The following PXDNL variants were observed in gnomAD, a reference collection of about 807,000 sequenced individuals.
PXDNL encodes the protein peroxidasin like.
In PXDNL, 145 loss-of-function variants were observed where a neutral mutation model predicts 150.8. That is an observed-to-expected ratio of 0.96 (90% CI 0.84 to 1.10). The LOEUF is 1.10. Ranked by LOEUF, PXDNL falls within the 50% of genes least tolerant of loss-of-function variation. The pLI, the probability that PXDNL is intolerant of heterozygous loss-of-function variation, is 0.00. For missense variants in PXDNL, 2,087 were observed against 1,873.9 expected, an observed-to-expected ratio of 1.11 and a Z score of -2.10; for synonymous variants, 757 against 725.7, an observed-to-expected ratio of 1.04 and a Z score of -0.69.
rs143026456 is a variant in PXDNL at position 51,695,863 on chromosome 8, C to T, written c.165-41103G>A. 1.5e-3 allele frequency among the ~76,000 whole-genome samples: 230 copies of T among 152,286 alleles called. 1 individual carries two copies. The highest frequency in any genetic ancestry group is 3.4e-3 in the Middle Eastern group (1 of 294). On this transcript the variant is annotated intron_variant, in intron 1 of 22. Transcript: ENST00000356297. The stretch of plus-strand genomic sequence containing the variant: ...GTTATTTGATCTCTAACTCCATGCT[C>T]CCTCGACTATTACTGAGTATCCTTC...
chr8:51,608,193 T>C (rs1813906803), intron 2 of PXDNL, among the ~76,000 whole-genome samples: 1 of 147,250 alleles, frequency 6.8e-6, no homozygotes, highest in Non-Finnish European at 1.5e-5. Flanking sequence ...ATCAAGACCA[T>C]CCTGGCTAAC....
chr8:51,678,226 G>A (rs1815667666), intron 1 of PXDNL, among the ~76,000 whole-genome samples: 1 of 152,178 alleles, frequency 6.6e-6, no homozygotes, highest in South Asian at 2.1e-4. Flanking sequence ...ACTTGAAGGA[G>A]AATTACATTC....
chr8:51,351,144 T>C (rs1054200574), intron 19 of PXDNL, among the ~76,000 whole-genome samples: 25 of 152,346 alleles, frequency 1.6e-4, no homozygotes, highest in Admixed American at 5.2e-4. Context: ...GTTAACAGGT[T>C]ACTACAAATG....
chr8:51,678,113 T>C (rs531185185), intron 1 of PXDNL, among the ~76,000 whole-genome samples: 4 of 152,210 alleles, frequency 2.6e-5, no homozygotes, highest in Non-Finnish European at 5.9e-5. Context: ...GGATCTCCAT[T>C]GTGGCATAAA....
Position 51,409,426 on chromosome 8 carries a change from G to C in PXDNL, c.2198C>G (p.Thr733Arg), listed in dbSNP as rs897081248. Residue 733 changes from threonine (T) to arginine (R), a missense_variant, in exon 17 of 23, where the codon ACG (threonine) becomes AGG (arginine). Physicochemically the swap from Thr to Arg is moderately conservative, Grantham distance 71. Coordinates refer to ENST00000356297, the MANE Select transcript of PXDNL (RefSeq NM_144651.5). ...CGTGGGCTGCTGCAGGTTGTTGCAC[G>C]TGCCGTCGTGGGCGCGGTACTTCGC... ...FHAKYRAHDG[T>R]CNNLQQPTWG... 2 of 1,612,188 alleles carry C rather than the reference G, an allele frequency of 1.2e-6. No individual in the cohort carries two copies. Among genetic ancestry groups the C allele is most frequent in the Non-Finnish European group, 1.7e-6 (2 of 1,179,604 alleles).
At chr8:51,679,350 T>G (rs2130843705) in intron 1 of PXDNL, among the ~76,000 whole-genome samples, 1 of 152,304 alleles carries the variant, frequency 6.6e-6, no homozygotes, top group African/African-American at 2.4e-5. Flanking sequence ...CCCAGTCTTC[T>G]CATCTACAAA....
intron 17 of PXDNL, among the ~76,000 whole-genome samples, chr8:51,385,950 T>G (rs984341186): frequency 6.6e-6 from 1 of 152,182 alleles, no homozygotes; most frequent in Non-Finnish European, 1.5e-5. Flanking sequence ...TCTTTATAAA[T>G]TACCCAATCT....
chr8:51,739,650 G>A (rs768337857), intron 1 of PXDNL, among the ~76,000 whole-genome samples: 2 of 152,014 alleles, frequency 1.3e-5, no homozygotes, highest in African/African-American at 2.4e-5. Context: ...CGAGGCGGGT[G>A]GATCACAAGG....
intron 19 of PXDNL, among the ~76,000 whole-genome samples, chr8:51,369,886 A>G (rs1323202924): frequency 6.6e-6 from 1 of 152,178 alleles, no homozygotes. Context: ...CAGCAGATTC[A>G]TTACCATTTA....
chr8:51,384,453 A>C (rs1438034284), intron 17 of PXDNL, among the ~76,000 whole-genome samples: 2 of 152,118 alleles, frequency 1.3e-5, no homozygotes, highest in African/African-American at 2.4e-5. Flanking sequence ...TTGAAAGAAA[A>C]TTTTCCCAGA....
chr8:51,419,949 T>C (rs1337451006), intron 14 of PXDNL, among the ~76,000 whole-genome samples: 1 of 152,226 alleles, frequency 6.6e-6, no homozygotes, highest in Non-Finnish European at 1.5e-5. Context: ...TTTACAAATC[T>C]ATTAGCTCTA....
chr8:51,799,106 A>G (rs2037592199), intron 1 of PXDNL, among the ~76,000 whole-genome samples: 1 of 152,212 alleles, frequency 6.6e-6, no homozygotes, highest in African/African-American at 2.4e-5. Flanking sequence ...ATGGAGCTGG[A>G]AGCCATTATC....
chr8:51,398,100 GACA>G (rs1369659413), intron 17 of PXDNL, among the ~76,000 whole-genome samples: 3 of 152,162 alleles, frequency 2.0e-5, no homozygotes, highest in Admixed American at 1.3e-4. Flanking sequence ...CACAAAAGAG[GACA>G]ACATGTGTGA....
In PXDNL at chr8:51,760,845, C is replaced by CTTTTTTTTTTTTTTTTTT. The variant is rs71237237; in HGVS notation, c.164+48318_164+48335dup. 4.0e-3 allele frequency among the ~76,000 whole-genome samples: 181 copies of CTTTTTTTTTTTTTTTTTT among 45,492 alleles called. 68 individuals carry two copies. Among genetic ancestry groups the CTTTTTTTTTTTTTTTTTT allele is most frequent in the Admixed American group, 5.1e-3 (14 of 2,736 alleles). 29.8% of individuals were successfully genotyped at this position (45,492 alleles called of 152,430 possible). A position where few individuals can be genotyped will look rare whatever the true frequency, so the allele number is the denominator to read the frequency against. On this transcript the variant is annotated intron_variant, in intron 1 of 22. Coordinates refer to ENST00000356297, the MANE Select transcript of PXDNL (RefSeq NM_144651.5). ...GTTAGCCTGAAGGAAATCACTTAAA[C>CTTTTTTTTTTTTTTTTTT]TTTTTTTTTTTTTTTTTTTTTTTTT...
chr8:51,700,168 T>TACAC (rs58406482), intron 1 of PXDNL, among the ~76,000 whole-genome samples: 5,200 of 139,824 alleles, frequency 0.037, 288 homozygotes, highest in African/African-American at 0.14. Context: ...TATGCCTGCA[T>TACAC]ACACACACAC....
At chr8:51,774,392 A>G (rs73590423) in intron 1 of PXDNL, among the ~76,000 whole-genome samples, 1,800 of 152,348 alleles carry the variant, frequency 0.012, 37 homozygotes, top group African/African-American at 0.042. Context: ...CCAGAGAAGT[A>G]TGCTCAGTGT....
chr8:51,548,065 A>G (rs1812400544), intron 4 of PXDNL, among the ~76,000 whole-genome samples: 1 of 151,496 alleles, frequency 6.6e-6, no homozygotes, highest in African/African-American at 2.4e-5. Flanking sequence ...CAATAAAATC[A>G]TACAAGTAGA....
chr8:51,442,928 A>G (rs1477158830), intron 12 of PXDNL, among the ~76,000 whole-genome samples: 1 of 152,300 alleles, frequency 6.6e-6, no homozygotes, highest in South Asian at 2.1e-4. Flanking sequence ...TTTAAGTAAC[A>G]TTGGAAATGT....
intron 1 of PXDNL, among the ~76,000 whole-genome samples, chr8:51,719,420 G>C (rs1460619529): frequency 1.3e-5 from 2 of 152,132 alleles, no homozygotes; most frequent in Non-Finnish European, 2.9e-5. Flanking sequence ...GATGTGCTTT[G>C]TTAAACAGAT....
Sources: allele counts gnomAD v4.1 joint callset (sites outside exome capture counted in the v4.1 genomes callset), GRCh38; gene constraint gnomAD v4.1.1; transcripts MANE v1.5; gene names NCBI Gene and HGNC (gene_info 2026-07-23, HGNC 2026-07-21).